The following RBPJ variants were observed in gnomAD, a reference collection of about 807,000 sequenced individuals.
The protein encoded by RBPJ is recombination signal binding protein for immunoglobulin kappa J region, also known as recombining binding protein suppressor of hairless.
A neutral mutation model predicts 67.8 loss-of-function variants in RBPJ; 9 were observed. That is an observed-to-expected ratio of 0.13 (90% CI 0.08 to 0.23). RBPJ has a LOEUF of 0.23. RBPJ is among the 10% of genes least tolerant of loss of function. The pLI is 1.00. For synonymous variants in RBPJ, 198 were observed against 203.3 expected, an observed-to-expected ratio of 0.97 and a Z score of 0.22; for missense variants, 305 against 595.6, an observed-to-expected ratio of 0.51 and a Z score of 5.08.
intron 1 of RBPJ, among the ~76,000 whole-genome samples, chr4:26,212,204 G>A (rs935409930): frequency 2.0e-5 from 3 of 152,020 alleles, no homozygotes; most frequent in African/African-American, 7.3e-5. Context: ...CCATATGACC[G>A]ATGGAAAAAG....
At chr4:26,122,543 G>T in the RBPJ span, among the ~76,000 whole-genome samples, 1 of 152,214 alleles carries the variant, frequency 6.6e-6, no homozygotes, top group African/African-American at 2.4e-5. Flanking sequence ...AAAGTAATGA[G>T]AACTGGTTAG....
chr4:26,428,397 A>G (rs958533648), intron 7 of RBPJ, among the ~76,000 whole-genome samples: 1 of 152,148 alleles, frequency 6.6e-6, no homozygotes, highest in Non-Finnish European at 1.5e-5. Flanking sequence ...TGTGTTTTTC[A>G]CAAGAACCCC....
At chr4:26,283,024 G>A (rs1349321570) in intron 1 of RBPJ, among the ~76,000 whole-genome samples, 5 of 141,450 alleles carry the variant, frequency 3.5e-5, no homozygotes, top group East Asian at 4.5e-4. Flanking sequence ...TCCTCCTCCC[G>A]GGTTCACACC....
chr4:26,296,196 A>T (rs1053324288), intron 1 of RBPJ, among the ~76,000 whole-genome samples: 2 of 152,220 alleles, frequency 1.3e-5, no homozygotes, highest in Admixed American at 6.5e-5. Context: ...TCTGTAGAAC[A>T]GAAAAGTTCC....
At chr4:26,386,283 C>A (rs1173071290) in intron 1 of RBPJ, 70 bp from the exon 2 acceptor site, 4 of 1,079,500 alleles carry the variant, frequency 3.7e-6, no homozygotes, top group Non-Finnish European at 5.5e-6. Context: ...TTTATGATGC[C>A]TGAAAAGCTT....
chr4:26,299,891 A>G (rs1378809184), intron 1 of RBPJ, among the ~76,000 whole-genome samples: 1 of 151,436 alleles, frequency 6.6e-6, no homozygotes, highest in Non-Finnish European at 1.5e-5. Flanking sequence ...GAGATTCACC[A>G]TGTTGGCAAA....
At chr4:26,232,505 G>T (rs975179728) in intron 1 of RBPJ, among the ~76,000 whole-genome samples, 1 of 152,088 alleles carries the variant, frequency 6.6e-6, no homozygotes, top group African/African-American at 2.4e-5. Flanking sequence ...GACATGAGCC[G>T]CTACACCCAG....
At chr4:26,319,540 G>A (rs767560811), upstream of RBPJ, 8 of 336,420 alleles carry the variant, frequency 2.4e-5, no homozygotes, top group Admixed American at 4.9e-5. Context: ...CCCGGAGCTG[G>A]TCTAGGCAAA....
At chr4:26,418,239 A>G (rs1734781546) in intron 4 of RBPJ, among the ~76,000 whole-genome samples, 1 of 152,214 alleles carries the variant, frequency 6.6e-6, no homozygotes, top group Non-Finnish European at 1.5e-5. Flanking sequence ...AGATGATTAT[A>G]TGCCATTTTC....
At chr4:26,119,840 G>A in the RBPJ span, among the ~76,000 whole-genome samples, 1 of 152,172 alleles carries the variant, frequency 6.6e-6, no homozygotes, top group African/African-American at 2.4e-5. Context: ...GCCTTAAAAT[G>A]GCTGAGAGTT....
the RBPJ span, among the ~76,000 whole-genome samples, chr4:26,148,676 T>C: frequency 6.6e-6 from 1 of 152,228 alleles, no homozygotes; most frequent in Non-Finnish European, 1.5e-5. Flanking sequence ...AAAAAAGCAG[T>C]GCTATTCCTG....
chr4:26,202,973 GGAAGGAA>G (rs1718037934), intron 1 of RBPJ, among the ~76,000 whole-genome samples: 1 of 11,842 alleles, frequency 8.4e-5, no homozygotes, highest in Admixed American at 7.7e-4. Flanking sequence ...AAGGAAATAA[GGAAGGAA>G]GGAAGGAAGG....
At chr4:26,316,691 T>TTGTGTATATATATATATACACAC (rs1240828410), upstream of RBPJ, among the ~76,000 whole-genome samples, 503 of 142,166 alleles carry the variant, frequency 3.5e-3, 2 homozygotes, top group Non-Finnish European at 5.2e-3. Context: ...TATATACACA[T>TTGTGTATATATATATATACACAC]ATTGTGTATA....
At chr4:26,426,288 G>A (rs1735665993) in intron 7 of RBPJ, among the ~76,000 whole-genome samples, 1 of 152,136 alleles carries the variant, frequency 6.6e-6, no homozygotes, top group Admixed American at 6.5e-5. Context: ...ATCACCAATA[G>A]TTTATAATAC....
the RBPJ span, among the ~76,000 whole-genome samples, chr4:26,143,188 A>T: frequency 2.2e-4 from 34 of 152,324 alleles, no homozygotes; most frequent in East Asian, 6.0e-3. Flanking sequence ...ATCCCATCTG[A>T]TTATCTCTCT....
the RBPJ span, among the ~76,000 whole-genome samples, chr4:26,133,052 C>A: frequency 1.3e-5 from 2 of 152,266 alleles, no homozygotes; most frequent in East Asian, 3.8e-4. Context: ...TCAGCTCCAC[C>A]TTGAGGCCAC....
At position 26,338,455 on chromosome 4, in the gene RBPJ, C is replaced by T. The variant is rs147848688; in HGVS notation, c.20+17407C>T. On this transcript the variant is annotated intron_variant, in intron 1 of 10. Transcript: ENST00000355476. ...GGGTGTGAGCCACTGCGCCCGGCCTCTTACATGTATTTTTCTTCCATGTGC... is the reference window on the plus strand; with the variant it reads ...GGGTGTGAGCCACTGCGCCCGGCCTTTTACATGTATTTTTCTTCCATGTGC... 5.4e-3 allele frequency among the ~76,000 whole-genome samples: 811 copies of T among 150,840 alleles called. 2 individuals are homozygous for T. Among genetic ancestry groups the T allele is most frequent in the Non-Finnish European group, 8.5e-3 (574 of 67,570 alleles).
intron 1 of RBPJ, among the ~76,000 whole-genome samples, chr4:26,164,890 C>T (rs1279973300): frequency 1.3e-5 from 2 of 152,130 alleles, no homozygotes; most frequent in East Asian, 1.9e-4. Context: ...GGCCAGAAAA[C>T]CAGGGAGGCC....
chr4:26,368,485 T>C (rs1248757194), intron 1 of RBPJ, among the ~76,000 whole-genome samples: 1 of 152,206 alleles, frequency 6.6e-6, no homozygotes, highest in African/African-American at 2.4e-5. Flanking sequence ...GGTTTTGTGT[T>C]GTCTCTCTGT....
Sources: gnomAD v4.1 joint callset for allele counts (sites outside exome capture counted in the v4.1 genomes callset) on GRCh38, gnomAD v4.1.1 for gene constraint, MANE v1.5 for transcripts, NCBI Gene and HGNC (gene_info 2026-07-23, HGNC 2026-07-21) for gene names.